ZNF442: variants seen among roughly 807,000 people sequenced by gnomAD.
The protein encoded by ZNF442 is zinc finger protein 442.
Under a neutral mutation model 57.0 loss-of-function variants are expected in ZNF442, and 45 were observed. The observed-to-expected ratio is 0.79, with a 90% CI of 0.62 to 1.01. The LOEUF (loss-of-function observed/expected upper bound fraction) is 1.01, where lower values mean the gene tolerates loss of function less well. Ranked by LOEUF, ZNF442 falls within the 50% of genes least tolerant of loss-of-function variation. ZNF442 has a pLI of 0.00. For missense variants in ZNF442, 690 were observed against 756.5 expected (o/e 0.91, Z 1.03); for synonymous variants, 213 against 241.8 (o/e 0.88, Z 1.10).
intron 4 of ZNF442, among the ~76,000 whole-genome samples, chr19:12,352,418 T>G (rs1316980481): frequency 1.3e-5 from 2 of 151,768 alleles, no homozygotes; most frequent in East Asian, 3.9e-4. Flanking sequence ...GGGTTTCAGG[T>G]GGGTTTTGAA....
At position 12,347,002 on chromosome 19, in the gene ZNF442, C is replaced by G. The variant is rs1327318348; in HGVS notation, c.*2699G>C. On this transcript the variant is annotated 3_prime_UTR_variant, in exon 6 of 6. Transcript: ENST00000242804. ...AGATAGAGCAAGTAGCACAGTAACA[C>G]GTATAAAATGATCCCTTCCTTTGTG... 1 of 152,136 alleles carries G rather than the reference C, an allele frequency of 6.6e-6. No homozygotes were observed. Among genetic ancestry groups the G allele is most frequent in the East Asian group, 1.9e-4 (1 of 5,194 alleles). The allele number at this position is 152,136 out of a possible 1,614,324, so 9.4% of individuals were successfully genotyped here. A position where few individuals can be genotyped will look rare whatever the true frequency, so the allele number is the denominator to read the frequency against.
chr19:12,362,668 T>TG (rs1432090872), intron 3 of ZNF442, among the ~76,000 whole-genome samples: 6 of 135,954 alleles, frequency 4.4e-5, no homozygotes, highest in East Asian at 2.0e-4. Flanking sequence ...GTCTGGGAGG[T>TG]GGGGGGCCCC....
chr19:12,352,875 T>C (rs1315454188), intron 4 of ZNF442, 113 bp downstream of exon 4: 5 of 1,310,608 alleles, frequency 3.8e-6, no homozygotes, highest in Non-Finnish European at 4.2e-6. Context: ...TAACCCTGTG[T>C]TGTTGAAGGG....
rs1969219077 is a variant in ZNF442 at position 12,350,828 on chromosome 19, G to C, written c.757C>G (p.Leu253Val). The change falls in exon 6 of 6, where the codon CTA becomes GTA. Residue 253 changes from leucine (L) to valine (V), a missense_variant. Leu to Val is a conservative substitution (Grantham distance 32). Transcript: ENST00000242804. Reference sequence around the variant, plus strand: ...CCAGTGTGTGTTCTTTCATGTCTTAGATAGGAACTGTAAATAGGGAAGGCT... The same window carrying C: ...CCAGTGTGTGTTCTTTCATGTCTTACATAGGAACTGTAAATAGGGAAGGCT... Reference protein sequence around the residue: ...CKAFPIYSSYLRHERTHTGEK... With the variant: ...CKAFPIYSSYVRHERTHTGEK... 6.2e-7 allele frequency: 1 copy of C among 1,613,788 alleles called. No homozygotes were observed. The highest frequency in any genetic ancestry group is 1.1e-5 in the South Asian group (1 of 91,072).
upstream of ZNF442, among the ~76,000 whole-genome samples, chr19:12,369,357 G>A (rs973237312): frequency 7.4e-4 from 112 of 151,796 alleles, no homozygotes; most frequent in African/African-American, 2.6e-3. Context: ...AGTGGCTCAC[G>A]CCTGTAATCC....
chr19:12,350,577 A>G lies in ZNF442; in HGVS notation c.1008T>C (p.Phe336=), dbSNP rs201428588. 3.0e-5 allele frequency: 48 copies of G among 1,613,766 alleles called. 1 individual carries two copies. The East Asian group carries it at 1.1e-3, about 36-fold the overall frequency. ...CAGTGTGCCTTATCATGTGTCTTTG[A>G]AAGCTTCCCAGATGATGAAATGCTT... ...CGKAFHHLGS[F]QRHMIRHTGD... The change falls in exon 6 of 6, where the codon TTT becomes TTC. Residue 336 remains phenylalanine, a synonymous_variant. Coordinates refer to ENST00000242804, the MANE Select transcript of ZNF442 (RefSeq NM_030824.3).
intron 3 of ZNF442, among the ~76,000 whole-genome samples, chr19:12,356,257 A>AAAT (rs1332799917): frequency 2.0e-5 from 3 of 152,142 alleles, no homozygotes; most frequent in Non-Finnish European, 4.4e-5. Flanking sequence ...TGAAATAAAA[A>AAAT]GATAAACCAC....
rs1355263173 is a variant in ZNF442, at chr19:12,349,848, T to C, written c.1737A>G (p.Lys579=). ...GAAGGAAACGAGAACGAGTGAAGGCTTTACCACATTGTTGACATTCATAAG... is the reference window on the plus strand; with the variant it reads ...GAAGGAAACGAGAACGAGTGAAGGCCTTACCACATTGTTGACATTCATAAG... ...KKSYECQQCG[K]AFTRSRFLRG... Residue 579 remains lysine (K), a synonymous_variant, in exon 6 of 6, where the codon AAA becomes AAG. Coordinates refer to ENST00000242804, the MANE Select transcript of ZNF442 (RefSeq NM_030824.3). 9.9e-6 allele frequency: 16 copies of C among 1,613,850 alleles called. No homozygotes were observed. Among genetic ancestry groups the C allele is most frequent in the Non-Finnish European group, 1.3e-5 (15 of 1,179,980 alleles).
chr19:12,364,438 G>GAAAA (rs1969497213), intron 2 of ZNF442, among the ~76,000 whole-genome samples: 1 of 150,036 alleles, frequency 6.7e-6, no homozygotes, highest in African/African-American at 2.5e-5. Context: ...AAGAAAAAAA[G>GAAAA]AAGCCATCCA....
chr19:12,372,020 T>C, the ZNF442 span, among the ~76,000 whole-genome samples: 1 of 152,126 alleles, frequency 6.6e-6, no homozygotes, highest in Non-Finnish European at 1.5e-5. Flanking sequence ...ACCTACAAAA[T>C]AGGAAAAACA....
chr19:12,358,083 T>C (rs956872620), intron 3 of ZNF442, among the ~76,000 whole-genome samples: 1 of 151,144 alleles, frequency 6.6e-6, no homozygotes, highest in African/African-American at 2.4e-5. Context: ...TGCCTCAGCC[T>C]CCCAAGTAGC....
chr19:12,350,305 T>C lies in ZNF442; in HGVS notation c.1280A>G (p.His427Arg), dbSNP rs1969201328. The C allele has an allele frequency of 1.2e-6, 2 of 1,613,786 alleles. No individual in the cohort carries two copies. Among genetic ancestry groups the C allele is most frequent in the Middle Eastern group, 1.6e-4 (1 of 6,082 alleles). Reference sequence around the variant, plus strand: ...ACATTCATAGGGTTTCTCACCAGTATGAGTCCTTTCATGTCCTTGAAATAC... The same window carrying C: ...ACATTCATAGGGTTTCTCACCAGTACGAGTCCTTTCATGTCCTTGAAATAC... ...PSVFQGHERTHTGEKPYECKE... is the reference protein window; with the variant it reads ...PSVFQGHERTRTGEKPYECKE... Residue 427 changes from histidine to arginine, a missense_variant, in exon 6 of 6, where the codon CAT becomes CGT. Transcript: ENST00000242804.
intron 4 of ZNF442, 128 bp downstream of exon 4, chr19:12,352,860 C>T: frequency 8.8e-7 from 1 of 1,140,186 alleles, no homozygotes; most frequent in Admixed American, 2.6e-5. Context: ...GGACCCAGCA[C>T]CACTTAACCC....
chr19:12,356,038 T>C (rs79675808), intron 3 of ZNF442, among the ~76,000 whole-genome samples: 7,323 of 151,288 alleles, frequency 0.048, 584 homozygotes, highest in African/African-American at 0.17. Flanking sequence ...AAAGTAGATT[T>C]CAAATGAGGA....
At chr19:12,362,590 T>TG (rs1969452117) in intron 3 of ZNF442, among the ~76,000 whole-genome samples, 2 of 134,816 alleles carry the variant, frequency 1.5e-5, no homozygotes, top group African/African-American at 5.6e-5. Context: ...GGGAGGGAGG[T>TG]GGGGGGCAGC....
At chr19:12,359,999 C>A (rs138629698) in intron 3 of ZNF442, among the ~76,000 whole-genome samples, 4 of 151,918 alleles carry the variant, frequency 2.6e-5, no homozygotes, top group Non-Finnish European at 5.9e-5. Context: ...AAATCTGATT[C>A]TCACCCTCCA....
chr19:12,359,070 T>C (rs574464847), intron 3 of ZNF442, among the ~76,000 whole-genome samples: 13 of 152,248 alleles, frequency 8.5e-5, no homozygotes, highest in African/African-American at 3.1e-4. Flanking sequence ...TGGCAAACCT[T>C]CCCCTCTTGG....
the ZNF442 span, among the ~76,000 whole-genome samples, chr19:12,372,209 C>A: frequency 6.6e-6 from 1 of 152,176 alleles, no homozygotes; most frequent in South Asian, 2.1e-4. Flanking sequence ...GTAATCCCAG[C>A]ACTTTGGGAG....
chr19:12,354,875 T>A (rs1969300799), intron 3 of ZNF442, among the ~76,000 whole-genome samples: 1 of 152,256 alleles, frequency 6.6e-6, no homozygotes, highest in Non-Finnish European at 1.5e-5. Context: ...ACAATATATG[T>A]GTTAATCAAT....
Sources: allele counts gnomAD v4.1 joint callset (sites outside exome capture counted in the v4.1 genomes callset), GRCh38; gene constraint gnomAD v4.1.1; transcripts MANE v1.5; gene names NCBI Gene and HGNC (gene_info 2026-07-23, HGNC 2026-07-21).